DNAH11: variants seen among roughly 807,000 people sequenced by gnomAD.
The protein encoded by DNAH11 is dynein axonemal heavy chain 11, also known as axonemal beta dynein heavy chain 11.
DNAH11 carries 442 observed loss-of-function variants against 526.0 expected under a neutral mutation model. That is an observed-to-expected ratio of 0.84 (90% CI 0.78 to 0.91). The LOEUF (loss-of-function observed/expected upper bound fraction) is 0.91, where lower values mean the gene tolerates loss of function less well. Among genes scored for constraint, DNAH11 ranks in the 40% least tolerant of loss-of-function variants. DNAH11 has a pLI of 0.00. For synonymous variants in DNAH11, 2,461 were observed against 1,935.9 expected (o/e 1.27, Z -7.12); for missense variants, 6,989 against 5,448.7 (o/e 1.28, Z -8.90).
chr7:21,787,710 G>A, intron 60 of DNAH11, 127 bp downstream of exon 60: 1 of 755,224 alleles, frequency 1.3e-6, no homozygotes, highest in Non-Finnish European at 2.0e-6. Context: ...GTAGTTCTAA[G>A]ACTAAGACAT....
At chr7:21,578,349 C>T (rs748088931) in intron 8 of DNAH11, among the ~76,000 whole-genome samples, 3 of 152,254 alleles carry the variant, frequency 2.0e-5, no homozygotes, top group Admixed American at 6.5e-5. Context: ...GTCATTACAT[C>T]TTAAAGCTCC....
At chr7:21,895,950 C>T (rs1784500182) in intron 79 of DNAH11, among the ~76,000 whole-genome samples, 1 of 152,086 alleles carries the variant, frequency 6.6e-6, no homozygotes, top group Admixed American at 6.5e-5. Flanking sequence ...AGGATGGTCT[C>T]AATCTCCTGA....
chr7:21,868,740 C>A, intron 72 of DNAH11, 124 bp from the exon 73 acceptor site: 1 of 1,269,162 alleles, frequency 7.9e-7, no homozygotes, highest in South Asian at 1.5e-5. Context: ...CTTTGGGATT[C>A]TTCAGGAAAG....
intron 27 of DNAH11, among the ~76,000 whole-genome samples, chr7:21,638,311 A>G (rs1786961613): frequency 6.6e-6 from 1 of 152,162 alleles, no homozygotes; most frequent in Admixed American, 6.6e-5. Context: ...TTACATAAAC[A>G]GAGCAGTTTT....
At chr7:21,854,014 G>A (rs577154573) in intron 67 of DNAH11, among the ~76,000 whole-genome samples, 240 of 152,230 alleles carry the variant, frequency 1.6e-3, no homozygotes, top group African/African-American at 5.6e-3. Flanking sequence ...AAGAGAGAGG[G>A]GAGGCAGGAA....
intron 25 of DNAH11, among the ~76,000 whole-genome samples, chr7:21,627,208 C>T (rs1020500810): frequency 6.6e-6 from 1 of 152,100 alleles, no homozygotes; most frequent in Non-Finnish European, 1.5e-5. Context: ...AATATTTTCT[C>T]CCATTCTGTA....
rs771319374 is a variant in DNAH11, at chr7:21,704,605, C to T, written c.6445C>T (p.Pro2149Ser). 7.5e-6 allele frequency: 12 copies of T among 1,602,892 alleles called. No individual in the cohort carries two copies. The highest frequency in any genetic ancestry group is 2.7e-5 in the African/African-American group (2 of 74,310). The change falls in exon 38 of 82, where the codon CCT becomes TCT. Residue 2149 changes from proline to serine, a missense_variant. Physicochemically the swap from Pro to Ser is moderately conservative, Grantham distance 74. Transcript: ENST00000409508. ...GTCTACCCTGGAGCTCCGCCTGCAG[C>T]CTGAAGAGAGCTTCATCCTCAAAGT... ...RQSTLELRLQ[P>S]EESFILKVVQ...
chr7:21,896,068 G>C lies in DNAH11; in HGVS notation c.13049+1069G>C, dbSNP rs111287546. 2.2e-3 allele frequency among the ~76,000 whole-genome samples: 328 copies of C among 152,314 alleles called. 2 individuals are homozygous for C. The highest frequency in any genetic ancestry group is 7.7e-3 in the African/African-American group (320 of 41,566). On this transcript the variant is annotated intron_variant, in intron 79 of 81. Coordinates refer to ENST00000409508, the MANE Select transcript of DNAH11 (RefSeq NM_001277115.2). ...TTCTAACACAATGTTAGAGCCTTCA[G>C]CTTCCCTCTGAACATCAACCTCCTT...
At chr7:21,720,425 AC>A (rs1181023403) in intron 43 of DNAH11, among the ~76,000 whole-genome samples, 1 of 146,696 alleles carries the variant, frequency 6.8e-6, no homozygotes, top group East Asian at 2.1e-4. Flanking sequence ...GTGAATATGT[AC>A]CCTTTTTTTT....
chr7:21,588,756 C>T (rs1248405522), intron 11 of DNAH11, 120 bp downstream of exon 11: 9 of 1,205,322 alleles, frequency 7.5e-6, no homozygotes, highest in Non-Finnish European at 1.1e-5. Context: ...ACTTCTCTCA[C>T]TGGTTGGGTT....
chr7:21,564,231 G>A lies in DNAH11; in HGVS notation c.1028G>A (p.Arg343Lys). The change falls in exon 6 of 82, where the codon AGG becomes AAG. Residue 343 changes from arginine to lysine, a missense_variant. Transcript: ENST00000409508. Reference sequence around the variant, plus strand: ...GTGGAACTTTACCTGAGACCTCTGAGGAGACACATCCAGTGTCTCCAGGAG... The same window carrying A: ...GTGGAACTTTACCTGAGACCTCTGAAGAGACACATCCAGTGTCTCCAGGAG... ...QDVELYLRPL[R>K]RHIQCLQETE... The A allele has an allele frequency of 1.2e-6, 2 of 1,611,952 alleles. No homozygotes were observed. The highest frequency in any genetic ancestry group is 1.7e-6 in the Non-Finnish European group (2 of 1,178,940).
Position 21,638,950 on chromosome 7 carries a change from G to T in DNAH11, c.4829G>T (p.Cys1610Phe), listed in dbSNP as rs750959340. The T allele has an allele frequency of 1.2e-6, 2 of 1,609,392 alleles. No homozygotes were observed. Among genetic ancestry groups the T allele is most frequent in the Non-Finnish European group, 1.7e-6 (2 of 1,178,510 alleles). Residue 1610 changes from cysteine (C) to phenylalanine (F), a missense_variant, in exon 28 of 82, where the codon TGT becomes TTT. By Grantham distance (205) the Cys-to-Phe change is radical (BLOSUM62 -2). Transcript: ENST00000409508. ...LKDLQSRLSLCEKALAEYLET... is the reference protein window; with the variant it reads ...LKDLQSRLSLFEKALAEYLET... ...TTTCATTCATGTAGGCTTTCTCTTTGTGAAAAAGCTCTCGCTGAATACCTG... is the reference window on the plus strand; with the variant it reads ...TTTCATTCATGTAGGCTTTCTCTTTTTGAAAAAGCTCTCGCTGAATACCTG...
rs111541378 is a variant in DNAH11 at position 21,880,690 on chromosome 7, C to T, written c.12196-12C>T. On this transcript the variant is annotated splice_polypyrimidine_tract_variant and intron_variant, in intron 74 of 81. Coordinates refer to ENST00000409508, the MANE Select transcript of DNAH11 (RefSeq NM_001277115.2). ...AGATGGATAATCAAGCATTTCTTCT[C>T]TTTTTTCCCAGGATACACTTGAAAT... is the stretch of plus-strand genomic sequence containing the variant. 5 of 1,613,208 alleles carry T rather than the reference C, an allele frequency of 3.1e-6. No homozygotes were observed. Among genetic ancestry groups the T allele is most frequent in the South Asian group, 1.1e-5 (1 of 90,932 alleles).
chr7:21,651,524 T>C (rs1781773209), intron 28 of DNAH11, among the ~76,000 whole-genome samples: 1 of 152,174 alleles, frequency 6.6e-6, no homozygotes, highest in South Asian at 2.1e-4. Context: ...CACTTTTCCC[T>C]TTGTTTTCTA....
At chr7:21,638,830 C>G in intron 27 of DNAH11, 109 bp from the exon 28 acceptor site, 1 of 1,302,354 alleles carries the variant, frequency 7.7e-7, no homozygotes, top group Non-Finnish European at 1.1e-6. Flanking sequence ...ACCTGTTAAA[C>G]AGTGAGTTTA....
rs776666835 is a variant in DNAH11, at chr7:21,873,471, T to A, written c.12165T>A (p.Asn4055Lys). 2.7e-5 allele frequency: 44 copies of A among 1,613,828 alleles called. No individual in the cohort carries two copies. Among genetic ancestry groups the A allele is most frequent in the Middle Eastern group, 1.6e-4 (1 of 6,080 alleles). Residue 4055 changes from asparagine (N) to lysine (K), a missense_variant, in exon 74 of 82, where the codon AAT (asparagine) becomes AAA (lysine). Transcript: ENST00000409508. ...TNEPPTGMLANLHAALYNFDQ... is the reference protein window; with the variant it reads ...TNEPPTGMLAKLHAALYNFDQ... Reference sequence around the variant, plus strand: ...AACCCCCAACAGGGATGCTGGCCAATTTGCATGCCGCCCTGTACAACTTTG... The same window carrying A: ...AACCCCCAACAGGGATGCTGGCCAAATTGCATGCCGCCCTGTACAACTTTG...
chr7:21,630,078 T>G (rs1786531122), intron 25 of DNAH11, among the ~76,000 whole-genome samples: 1 of 152,086 alleles, frequency 6.6e-6, no homozygotes, highest in Non-Finnish European at 1.5e-5. Context: ...GTGAATCCAT[T>G]ACAGGTTTTT....
chr7:21,727,413 C>A (rs1342562100), intron 45 of DNAH11, among the ~76,000 whole-genome samples: 3 of 152,276 alleles, frequency 2.0e-5, no homozygotes, highest in Non-Finnish European at 4.4e-5. Context: ...TCACGTATAA[C>A]GTTCTTCTTA....
At chr7:21,549,676 G>A (rs1167336172) in intron 2 of DNAH11, among the ~76,000 whole-genome samples, 1 of 152,142 alleles carries the variant, frequency 6.6e-6, no homozygotes, top group African/African-American at 2.4e-5. Flanking sequence ...ACTTGGTGGG[G>A]AGCCCTTGGA....
Sources: gnomAD v4.1 joint callset for allele counts (sites outside exome capture counted in the v4.1 genomes callset) on GRCh38, gnomAD v4.1.1 for gene constraint, MANE v1.5 for transcripts, NCBI Gene and HGNC (gene_info 2026-07-23, HGNC 2026-07-21) for gene names.